Variants in TAFA2 observed in about 807,000 individuals in gnomAD.
TAFA2 encodes chemokine-like protein TAFA-2.
A neutral mutation model predicts 18.8 loss-of-function variants in TAFA2; 7 were observed. The ratio of observed to expected loss-of-function variants is 0.37; its 90% CI spans 0.21 to 0.70. The LOEUF (loss-of-function observed/expected upper bound fraction) is 0.70. Among genes scored for constraint, TAFA2 ranks in the 30% least tolerant of loss-of-function variants. TAFA2 has a pLI of 0.53. For synonymous variants in TAFA2, 60 were observed against 54.2 expected (o/e 1.11, Z -0.47); for missense variants, 122 against 158.1 (o/e 0.77, Z 1.23).
intron 2 of TAFA2, among the ~76,000 whole-genome samples, chr12:61,788,794 T>C (rs1320520486): frequency 1.3e-5 from 2 of 151,642 alleles, no homozygotes; most frequent in African/African-American, 2.4e-5. Flanking sequence ...CTAGAAGAAA[T>C]GAATAAATTC....
rs3031098 is a variant in TAFA2 at position 61,975,514 on chromosome 12, C to CGTGTGTGTGTGTGTGTGTGTGTGTGTGT, written c.-1-108116_-1-108089dup. Among the ~76,000 whole-genome samples the CGTGTGTGTGTGTGTGTGTGTGTGTGTGT allele has an allele frequency of 7.0e-3, 958 of 136,602 alleles. 14 individuals are homozygous for CGTGTGTGTGTGTGTGTGTGTGTGTGTGT. The highest frequency in any genetic ancestry group is 0.018 in the East Asian group (79 of 4,392). 89.6% of individuals were successfully genotyped at this position (136,602 alleles called of 152,430 possible). On this transcript the variant is annotated intron_variant, in intron 1 of 4. Transcript: ENST00000416284. Reference sequence around the variant, plus strand: ...CTCCTTTTTAAGGCTCAATAATATTCGTGTGTGTGTGTGTGTGTGTGTGTG... The same window carrying CGTGTGTGTGTGTGTGTGTGTGTGTGTGT: ...CTCCTTTTTAAGGCTCAATAATATTCGTGTGTGTGTGTGTGTGTGTGTGTGTGTGTGTGTGTGTGTGTGTGTGTGTGTG...
At chr12:62,183,572 A>G (rs560547336) in intron 1 of TAFA2, among the ~76,000 whole-genome samples, 1 of 152,178 alleles carries the variant, frequency 6.6e-6, no homozygotes, top group African/African-American at 2.4e-5. Context: ...TCTTGCAGAG[A>G]CAGGGTTTCA....
At chr12:62,239,691 C>T (rs2062853418) in intron 1 of TAFA2, among the ~76,000 whole-genome samples, 1 of 152,216 alleles carries the variant, frequency 6.6e-6, no homozygotes, top group Non-Finnish European at 1.5e-5. Flanking sequence ...AGTGATCCAT[C>T]TGACCAAGAA....
At chr12:61,905,018 T>A (rs10877765) in intron 1 of TAFA2, among the ~76,000 whole-genome samples, 10 of 152,060 alleles carry the variant, frequency 6.6e-5, no homozygotes, top group African/African-American at 2.2e-4. Context: ...AGAGGAAAGC[T>A]TACCTTCAGT....
At chr12:61,834,614 G>A (rs1299822021) in intron 2 of TAFA2, among the ~76,000 whole-genome samples, 1 of 151,962 alleles carries the variant, frequency 6.6e-6, no homozygotes, top group Non-Finnish European at 1.5e-5. Context: ...GTCAACACAT[G>A]CTTTCCCAGG....
At chr12:62,216,892 A>G (rs2062738057) in intron 1 of TAFA2, among the ~76,000 whole-genome samples, 1 of 152,226 alleles carries the variant, frequency 6.6e-6, no homozygotes, top group Admixed American at 6.5e-5. Context: ...AAGTTAGCAT[A>G]TACATTACGG....
At chr12:61,938,790 G>C (rs1201250449) in intron 1 of TAFA2, among the ~76,000 whole-genome samples, 1 of 152,108 alleles carries the variant, frequency 6.6e-6, no homozygotes, top group Non-Finnish European at 1.5e-5. Context: ...ATTATTCTAG[G>C]TGAAGTAACT....
At chr12:62,232,198 CT>C (rs2062814497) in intron 1 of TAFA2, among the ~76,000 whole-genome samples, 1 of 150,332 alleles carries the variant, frequency 6.7e-6, no homozygotes, top group Non-Finnish European at 1.5e-5. Context: ...CACCCTTGAC[CT>C]CTCCCTCACC....
At chr12:61,965,486 C>T (rs1879037539) in intron 1 of TAFA2, among the ~76,000 whole-genome samples, 1 of 151,888 alleles carries the variant, frequency 6.6e-6, no homozygotes, top group African/African-American at 2.4e-5. Context: ...ACTTAAGAAT[C>T]TGTGCGAGTA....
At chr12:62,112,066 C>T (rs983901662) in intron 1 of TAFA2, among the ~76,000 whole-genome samples, 1 of 152,126 alleles carries the variant, frequency 6.6e-6, no homozygotes, top group Admixed American at 6.6e-5. Flanking sequence ...TTAGTTGATG[C>T]AGTTTCTTCA....
intron 2 of TAFA2, among the ~76,000 whole-genome samples, chr12:61,862,702 A>G (rs1874177328): frequency 6.6e-6 from 1 of 152,106 alleles, no homozygotes; most frequent in African/African-American, 2.4e-5. Context: ...CTAATTCTCT[A>G]TGGCATGCTT....
At chr12:61,784,353 A>T (rs1248579466) in intron 2 of TAFA2, among the ~76,000 whole-genome samples, 2 of 151,462 alleles carry the variant, frequency 1.3e-5, no homozygotes, top group Non-Finnish European at 1.5e-5. Context: ...TGCCAAACAC[A>T]TCAAGAGAGG....
intron 1 of TAFA2, among the ~76,000 whole-genome samples, chr12:62,141,833 T>C (rs1027792437): frequency 5.9e-5 from 9 of 152,268 alleles, no homozygotes; most frequent in Non-Finnish European, 1.0e-4. Context: ...CCAGTAAACA[T>C]TAAATTCAGT....
At chr12:61,844,404 A>T (rs1873316560) in intron 2 of TAFA2, among the ~76,000 whole-genome samples, 1 of 152,134 alleles carries the variant, frequency 6.6e-6, no homozygotes, top group African/African-American at 2.4e-5. Context: ...GTCAAAATAG[A>T]ATAAAAAGTT....
chr12:62,245,877 C>T (rs2062883217), intron 1 of TAFA2, among the ~76,000 whole-genome samples: 1 of 150,124 alleles, frequency 6.7e-6, no homozygotes, highest in East Asian at 1.9e-4. Flanking sequence ...CTTTTTTCAA[C>T]ACCTTAAGAT....
At chr12:61,816,447 T>C (rs1872089304) in intron 2 of TAFA2, among the ~76,000 whole-genome samples, 1 of 151,396 alleles carries the variant, frequency 6.6e-6, no homozygotes, top group African/African-American at 2.5e-5. Flanking sequence ...GTTGATTCCA[T>C]GTCTTTGCTG....
At chr12:62,231,238 T>C (rs1294629897) in intron 1 of TAFA2, among the ~76,000 whole-genome samples, 2 of 152,236 alleles carry the variant, frequency 1.3e-5, no homozygotes, top group Admixed American at 1.3e-4. Flanking sequence ...GTTTGCTTTA[T>C]ATATTCTATA....
At chr12:62,258,914 T>A (rs2062960517), upstream of TAFA2, 2 of 180,740 alleles carry the variant, frequency 1.1e-5, no homozygotes, top group African/African-American at 4.8e-5. Context: ...TTTTAACCTG[T>A]CAGGAGAAAA....
At chr12:61,710,861 T>C (rs957812885) in intron 4 of TAFA2, among the ~76,000 whole-genome samples, 3 of 152,118 alleles carry the variant, frequency 2.0e-5, no homozygotes, top group African/African-American at 7.2e-5. Context: ...GGGGATTGGT[T>C]CCATAAAGTT....
Sources: gnomAD v4.1 joint callset for allele counts (sites outside exome capture counted in the v4.1 genomes callset) on GRCh38, gnomAD v4.1.1 for gene constraint, MANE v1.5 for transcripts, NCBI Gene and HGNC (gene_info 2026-07-23, HGNC 2026-07-21) for gene names.